The following NIF3L1 variants were observed in gnomAD, a reference collection of about 807,000 sequenced individuals.
The protein encoded by NIF3L1 is NIF3-like protein 1.
NIF3L1 carries 26 observed loss-of-function variants against 35.0 expected under a neutral mutation model. The ratio of observed to expected loss-of-function variants is 0.74; its 90% CI spans 0.54 to 1.03. The LOEUF (loss-of-function observed/expected upper bound fraction) is 1.03, where lower values mean the gene tolerates loss of function less well. Among genes scored for constraint, NIF3L1 ranks in the 50% least tolerant of loss-of-function variants. The pLI, the probability that NIF3L1 is intolerant of heterozygous loss-of-function variation, is 0.00. For synonymous variants in NIF3L1, 157 were observed against 178.9 expected (o/e 0.88, Z 0.98); for missense variants, 449 against 466.3 (o/e 0.96, Z 0.34).
chr2:200,892,176 T>A lies in NIF3L1; in HGVS notation c.233T>A (p.Met78Lys). ...FLTNDLTEEVMEEVLQKKADL... is the reference protein window; with the variant it reads ...FLTNDLTEEVKEEVLQKKADL... ...ACCAATGACCTGACTGAGGAAGTGA[T>A]GGAGGAGGTGCTGCAAAAGAAGGCA... Residue 78 changes from methionine to lysine, a missense_variant, in exon 2 of 7, where the codon ATG becomes AAG. By Grantham distance (95) the Met-to-Lys change is moderately conservative. Transcript: ENST00000409020. The A allele has an allele frequency of 3.7e-6, 6 of 1,614,222 alleles. No individual in the cohort carries two copies. Among genetic ancestry groups the A allele is most frequent in the Non-Finnish European group, 5.1e-6 (6 of 1,180,042 alleles).
At chr2:200,898,620 T>C (rs2040357426) in intron 5 of NIF3L1, among the ~76,000 whole-genome samples, 1 of 152,104 alleles carries the variant, frequency 6.6e-6, no homozygotes, top group African/African-American at 2.4e-5. Flanking sequence ...AGAGGTGGGA[T>C]TTGACTTCCA....
intron 6 of NIF3L1, among the ~76,000 whole-genome samples, chr2:200,902,052 G>A (rs1486569937): frequency 6.6e-6 from 1 of 152,068 alleles, no homozygotes; most frequent in Admixed American, 6.6e-5. Context: ...AAAAATTCTG[G>A]AATTAAGAAA....
At chr2:200,894,155 CAGAG>C (rs1229461917) in intron 3 of NIF3L1, among the ~76,000 whole-genome samples, 1 of 133,430 alleles carries the variant, frequency 7.5e-6, no homozygotes, top group African/African-American at 2.9e-5. Context: ...GCCTGGGAGA[CAGAG>C]AGAGACTCTG....
chr2:200,893,541 T>A (rs2040243876), intron 3 of NIF3L1, 133 bp downstream of exon 3: 2 of 822,228 alleles, frequency 2.4e-6, no homozygotes, highest in African/African-American at 3.5e-5. Context: ...AGCATACTCC[T>A]CATTTGTTTG....
At chr2:200,898,828 C>G (rs1335842037) in intron 5 of NIF3L1, among the ~76,000 whole-genome samples, 6 of 152,158 alleles carry the variant, frequency 3.9e-5, no homozygotes, top group Admixed American at 3.9e-4. Context: ...TAGCATTCCT[C>G]TTTTTATAGT....
At chr2:200,899,024 C>T in intron 5 of NIF3L1, 1 of 195,290 alleles carries the variant, frequency 5.1e-6, no homozygotes. Context: ...ATAACGGTGC[C>T]CCCTTCAGCA....
intron 5 of NIF3L1, among the ~76,000 whole-genome samples, chr2:200,898,586 T>TA (rs1200406408): frequency 6.6e-6 from 1 of 152,104 alleles, no homozygotes; most frequent in Non-Finnish European, 1.5e-5. Flanking sequence ...CCAAGGGAGT[T>TA]AGTGTCCAAA....
At chr2:200,897,281 G>C in intron 5 of NIF3L1, 67 bp downstream of exon 5, 1 of 1,526,474 alleles carries the variant, frequency 6.6e-7, no homozygotes, top group Non-Finnish European at 9.0e-7. Context: ...CGAAACTCTT[G>C]GTTGTATTAA....
At chr2:200,900,666 ATTAC>A (rs1396636857) in intron 6 of NIF3L1, among the ~76,000 whole-genome samples, 1 of 152,240 alleles carries the variant, frequency 6.6e-6, no homozygotes, top group Non-Finnish European at 1.5e-5. Context: ...GTATGTGACT[ATTAC>A]TTATTTTATA....
intron 1 of NIF3L1, among the ~76,000 whole-genome samples, chr2:200,890,083 C>T (rs1342655978): frequency 6.6e-6 from 1 of 152,116 alleles, no homozygotes; most frequent in Non-Finnish European, 1.5e-5. Context: ...CAAGGCCGGA[C>T]GCAGTGGCTC....
Position 200,903,463 on chromosome 2 carries a change from A to G in NIF3L1, c.950-31A>G, listed in dbSNP as rs774361625. 1.9e-6 allele frequency: 3 copies of G among 1,575,868 alleles called. No individual in the cohort carries two copies. In the African/African-American group the frequency reaches 4.1e-5, roughly 21 times the overall value. Reference sequence around the variant, plus strand: ...TCATTCCACAGATTCCATATTTAGCATTTAAGAATTTGCTCTTCCCTTTTT... The same window carrying G: ...TCATTCCACAGATTCCATATTTAGCGTTTAAGAATTTGCTCTTCCCTTTTT... On this transcript the variant is annotated intron_variant, in intron 6 of 6. Coordinates refer to ENST00000409020, the MANE Select transcript of NIF3L1 (RefSeq NM_001369441.2).
At chr2:200,891,865 A>G (rs987466767) in intron 1 of NIF3L1, 53 bp from the exon 2 acceptor site, 6 of 1,148,394 alleles carry the variant, frequency 5.2e-6, no homozygotes, top group African/African-American at 3.1e-5. Context: ...TGATGCCTCA[A>G]AGATCCAGGC....
intron 5 of NIF3L1, 185 bp from the exon 6 acceptor site, chr2:200,899,200 C>A: frequency 6.9e-6 from 3 of 436,226 alleles, no homozygotes; most frequent in Non-Finnish European, 1.2e-5. Flanking sequence ...TATGCAATAT[C>A]AAAGAATGAC....
At chr2:200,890,331 C>G (rs1159849418) in intron 1 of NIF3L1, among the ~76,000 whole-genome samples, 2 of 152,108 alleles carry the variant, frequency 1.3e-5, no homozygotes, top group Non-Finnish European at 2.9e-5. Context: ...TGCACTCCAG[C>G]CTAGGCGCCT....
chr2:200,890,114 C>G (rs1400544464), intron 1 of NIF3L1, among the ~76,000 whole-genome samples: 2 of 152,120 alleles, frequency 1.3e-5, no homozygotes, highest in Middle Eastern at 3.2e-3. Context: ...TCCCGGTACT[C>G]TTGGAGGCCG....
At position 200,893,360 on chromosome 2, in the gene NIF3L1, C is replaced by G; in HGVS notation, c.551C>G (p.Ser184Cys). 6.2e-7 allele frequency: 1 copy of G among 1,613,972 alleles called. No homozygotes were observed. The highest frequency in any genetic ancestry group is 8.5e-7 in the Non-Finnish European group (1 of 1,179,942). ...NYTQDLDKVM[S>C]AVKGIDGVSV... ...ACCCAAGACCTGGACAAAGTCATGT[C>G]TGCAGTGAAAGGAATTGACGGTGTT... The change falls in exon 3 of 7, where the codon TCT (serine) becomes TGT (cysteine). Residue 184 changes from serine to cysteine, a missense_variant. Transcript: ENST00000409020.
rs1311314904 is a variant in NIF3L1, at chr2:200,903,492, A to G, written c.950-2A>G. ...AAGAATTTGCTCTTCCCTTTTTGGT[A>G]GGTGAGATGTCCCATCATGATACTT... On this transcript the variant is annotated splice_acceptor_variant, in intron 6 of 6. Coordinates refer to ENST00000409020, the MANE Select transcript of NIF3L1 (RefSeq NM_001369441.2). LOFTEE classifies it high-confidence loss of function. 1.2e-6 allele frequency: 2 copies of G among 1,607,966 alleles called. No individual in the cohort carries two copies. Among genetic ancestry groups the G allele is most frequent in the African/African-American group, 2.7e-5 (2 of 74,654 alleles).
intron 5 of NIF3L1, chr2:200,899,043 A>T (rs2040366057): frequency 4.6e-6 from 1 of 218,402 alleles, no homozygotes; most frequent in Admixed American, 5.3e-5. Flanking sequence ...CAGCACATAT[A>T]CTAAAAATTG....
intron 6 of NIF3L1, among the ~76,000 whole-genome samples, chr2:200,902,448 A>G (rs2040424081): frequency 6.6e-6 from 1 of 152,152 alleles, no homozygotes; most frequent in South Asian, 2.1e-4. Flanking sequence ...GGTGCCTGTC[A>G]TTCCAGCTAC....
Sources: allele counts gnomAD v4.1 joint callset (sites outside exome capture counted in the v4.1 genomes callset), GRCh38; gene constraint gnomAD v4.1.1; transcripts MANE v1.5; gene names NCBI Gene and HGNC (gene_info 2026-07-23, HGNC 2026-07-21).